The following ASIP variants were observed in gnomAD, a reference collection of about 807,000 sequenced individuals.
ASIP encodes agouti signaling protein, also known as agouti-signaling protein.
ASIP carries 11 observed loss-of-function variants against 10.3 expected under a neutral mutation model. That is an observed-to-expected ratio of 1.07 (90% CI 0.68 to 1.78). The LOEUF is 1.78. Ranked by LOEUF, ASIP falls within the 40% of genes most tolerant of loss-of-function variation. ASIP has a pLI of 0.00. For missense variants in ASIP, 180 were observed against 169.2 expected (o/e 1.06, Z -0.35); for synonymous variants, 70 against 70.8 (o/e 0.99, Z 0.06).
chr20:34,225,548 T>G, intron 1 of ASIP, among the ~76,000 whole-genome samples: 1 of 152,058 alleles, frequency 6.6e-6, no homozygotes, highest in Admixed American at 6.6e-5. Context: ...CAACTTCACA[T>G]GTAATTTACA....
At chr20:34,201,773 G>A (rs750181729) in intron 1 of ASIP, among the ~76,000 whole-genome samples, 5 of 152,194 alleles carry the variant, frequency 3.3e-5, no homozygotes, top group Non-Finnish European at 5.9e-5. Context: ...GAATTTTGTA[G>A]GAGATACTGG....
At chr20:34,195,246 G>A (rs1196912095) in intron 1 of ASIP, among the ~76,000 whole-genome samples, 1 of 152,034 alleles carries the variant, frequency 6.6e-6, no homozygotes, top group Middle Eastern at 3.2e-3. Flanking sequence ...GAGCAGCCAT[G>A]TTGTACTGAG....
At chr20:34,189,306 G>C in the ASIP span, among the ~76,000 whole-genome samples, 4 of 152,120 alleles carry the variant, frequency 2.6e-5, no homozygotes, top group African/African-American at 9.6e-5. Flanking sequence ...GCAGTGGCGT[G>C]ATCTCGGCTC....
intron 1 of ASIP, among the ~76,000 whole-genome samples, chr20:34,244,081 CA>C (rs1419867043): frequency 2.0e-5 from 3 of 151,946 alleles, no homozygotes; most frequent in Non-Finnish European, 4.4e-5. Context: ...AACAAACAAA[CA>C]AAAAAACTCT....
chr20:34,214,721 A>AT, intron 1 of ASIP: 1 of 1,149,062 alleles, frequency 8.7e-7, no homozygotes, highest in Non-Finnish European at 1.3e-6. Flanking sequence ...TCATAAGTCA[A>AT]TTTTTTCATA....
chr20:34,267,945 AATTT>A (rs1025972815), intron 3 of ASIP, among the ~76,000 whole-genome samples: 3 of 134,438 alleles, frequency 2.2e-5, no homozygotes, highest in African/African-American at 7.6e-5. Context: ...TTATTGAAAT[AATTT>A]ATTTTTGTTG....
At chr20:34,243,196 A>C (rs1166848910) in intron 1 of ASIP, among the ~76,000 whole-genome samples, 1 of 152,212 alleles carries the variant, frequency 6.6e-6, no homozygotes, top group Non-Finnish European at 1.5e-5. Context: ...TTGAGAAGGG[A>C]CACAGCCTCA....
chr20:34,227,835 C>T (rs1469634007), intron 1 of ASIP, among the ~76,000 whole-genome samples: 1 of 152,064 alleles, frequency 6.6e-6, no homozygotes, highest in Non-Finnish European at 1.5e-5. Context: ...CAAAAAAGAA[C>T]AGTTTGAAGA....
intron 1 of ASIP, among the ~76,000 whole-genome samples, chr20:34,220,504 A>G (rs1428829592): frequency 6.6e-6 from 1 of 151,844 alleles, no homozygotes; most frequent in Non-Finnish European, 1.5e-5. Flanking sequence ...CTGAGGTGGG[A>G]GGATCGCTTG....
At chr20:34,244,974 C>G (rs2035344940) in intron 1 of ASIP, among the ~76,000 whole-genome samples, 1 of 152,058 alleles carries the variant, frequency 6.6e-6, no homozygotes, top group African/African-American at 2.4e-5. Context: ...AGCTTTAGAT[C>G]AGTAAAATAA....
At chr20:34,233,876 G>T (rs886772517) in intron 1 of ASIP, among the ~76,000 whole-genome samples, 1 of 152,216 alleles carries the variant, frequency 6.6e-6, no homozygotes, top group African/African-American at 2.4e-5. Flanking sequence ...CTTGGAAGAG[G>T]TCAAAGGTCT....
intron 1 of ASIP, among the ~76,000 whole-genome samples, chr20:34,259,264 C>A (rs2035647700): frequency 6.6e-6 from 1 of 150,740 alleles, no homozygotes; most frequent in Non-Finnish European, 1.5e-5. Context: ...AAAATATAGG[C>A]CAGGTGCAGT....
At chr20:34,198,823 GAA>G (rs2034874962) in intron 1 of ASIP, among the ~76,000 whole-genome samples, 1 of 152,138 alleles carries the variant, frequency 6.6e-6, no homozygotes. Context: ...TACAGTTACA[GAA>G]AAGTGTTCAT....
intron 1 of ASIP, among the ~76,000 whole-genome samples, chr20:34,234,136 G>T (rs1240713336): frequency 6.6e-6 from 1 of 152,288 alleles, no homozygotes; most frequent in East Asian, 1.9e-4. Context: ...GCACAAGCTT[G>T]ATCAAAAGCT....
intron 1 of ASIP, among the ~76,000 whole-genome samples, chr20:34,232,838 C>G (rs1466781542): frequency 6.6e-6 from 1 of 152,232 alleles, no homozygotes; most frequent in African/African-American, 2.4e-5. Flanking sequence ...ACTGGTTTGA[C>G]AAACCCAGCA....
intron 1 of ASIP, among the ~76,000 whole-genome samples, chr20:34,250,779 C>T (rs906822687): frequency 1.5e-4 from 23 of 152,132 alleles, no homozygotes; most frequent in African/African-American, 5.6e-4. Flanking sequence ...ACACCTCTGT[C>T]TCAGTAGGTA....
chr20:34,202,801 C>CTTTTTTTTTTTT (rs34156089), intron 1 of ASIP, among the ~76,000 whole-genome samples: 1 of 57,286 alleles, frequency 1.7e-5, no homozygotes. Context: ...CTTGGCTATT[C>CTTTTTTTTTTTT]TTTTTTTTTT....
At chr20:34,207,914 T>C (rs6120569) in intron 1 of ASIP, among the ~76,000 whole-genome samples, 40,935 of 151,788 alleles carry the variant, frequency 0.27, 10,609 homozygotes, top group African/African-American at 0.68. Context: ...CTCAGCCTCC[T>C]GAGTAGCTGG....
chr20:34,236,020 GAGA>G lies in ASIP; in HGVS notation c.-10-24337_-10-24335del, dbSNP rs1178120100. On this transcript the variant is annotated intron_variant, in intron 1 of 3. Coordinates refer to the ASIP transcript ENST00000568305. ...GGAAGGAGAAAGAGAGAAAGAGAGA[GAGA>G]AGAAGAAAGAGAAAGAAACAGAAAA... Among the ~76,000 whole-genome samples the G allele has an allele frequency of 6.1e-5, 7 of 114,304 alleles. 1 individual carries two copies. Among genetic ancestry groups the G allele is most frequent in the African/African-American group, 1.0e-4 (2 of 19,796 alleles). 75.0% of individuals were successfully genotyped at this position (114,304 alleles called of 152,430 possible).
Sources: allele counts gnomAD v4.1 joint callset (sites outside exome capture counted in the v4.1 genomes callset), GRCh38; gene constraint gnomAD v4.1.1; transcripts MANE v1.5; gene names NCBI Gene and HGNC (gene_info 2026-07-23, HGNC 2026-07-21).